The following DMD variants were observed in gnomAD, a reference collection of about 807,000 sequenced individuals.
DMD encodes dystrophin.
Under a neutral mutation model 330.1 loss-of-function variants are expected in DMD, and 63 were observed. The ratio of observed to expected loss-of-function variants is 0.19; its 90% CI spans 0.16 to 0.24. DMD has a LOEUF of 0.24. Among genes scored for constraint, DMD ranks in the 10% least tolerant of loss-of-function variants. The probability of loss-of-function intolerance (pLI) is 1.00; values close to 1 mark genes in which losing one functional copy is unlikely to be tolerated. For missense variants in DMD, 3,344 were observed against 2,684.1 expected (o/e 1.25, Z -5.43); for synonymous variants, 1,223 against 959.8 (o/e 1.27, Z -5.07).
intron 1 of DMD, among the ~76,000 whole-genome samples, chrX:33,285,782 A>T (rs1315382468): frequency 8.9e-6 from 1 of 112,245 alleles, no homozygotes; most frequent in African/African-American, 3.2e-5. Context: ...TTGTGCAATG[A>T]GTCATTCTTA....
intron 44 of DMD, among the ~76,000 whole-genome samples, chrX:32,178,828 GGGGTGTGTGTGTGTGTGTGT>G (rs1426878260): frequency 2.5e-3 from 41 of 16,701 alleles, no homozygotes; most frequent in Admixed American, 7.5e-3. Flanking sequence ...AATATTCCAG[GGGGTGTGTGTGTGTGTGTGT>G]GTGTGTGTGT....
intron 2 of DMD, among the ~76,000 whole-genome samples, chrX:32,998,996 T>A (rs2093203007): frequency 8.9e-6 from 1 of 112,141 alleles, no homozygotes; most frequent in Non-Finnish European, 1.9e-5. Context: ...CATGTTATAG[T>A]TTGAAGTGTG....
intron 49 of DMD, among the ~76,000 whole-genome samples, chrX:31,836,268 C>T (rs1043646963): frequency 3.6e-5 from 4 of 112,401 alleles, no homozygotes; most frequent in Non-Finnish European, 5.6e-5. Flanking sequence ...GCCGATTTTA[C>T]TCTTTTATAA....
At chrX:31,204,890 G>A (rs2043914025) in intron 66 of DMD, among the ~76,000 whole-genome samples, 1 of 112,183 alleles carries the variant, frequency 8.9e-6, no homozygotes, top group Non-Finnish European at 1.9e-5. Context: ...CCTAAGTGCT[G>A]GGATTACAGG....
At chrX:31,880,758 C>T (rs1026732254) in intron 47 of DMD, among the ~76,000 whole-genome samples, 3 of 112,313 alleles carry the variant, frequency 2.7e-5, no homozygotes, top group African/African-American at 6.5e-5. Flanking sequence ...ATTACTCTCA[C>T]GTTTGTGGTG....
At chrX:32,596,576 A>AC (rs1475934372) in intron 12 of DMD, among the ~76,000 whole-genome samples, 1 of 108,722 alleles carries the variant, frequency 9.2e-6, no homozygotes, top group African/African-American at 3.4e-5. Context: ...ACGGATTCTC[A>AC]CTGTGTCACC....
intron 1 of DMD, among the ~76,000 whole-genome samples, chrX:33,083,579 G>T (rs774872229): frequency 4.5e-5 from 5 of 111,552 alleles, no homozygotes; most frequent in Non-Finnish European, 9.4e-5. Flanking sequence ...GGTTCTCTGA[G>T]TTAGGCATGC....
intron 78 of DMD, among the ~76,000 whole-genome samples, chrX:31,125,750 T>C (rs16989365): frequency 0.016 from 1,785 of 112,108 alleles, 49 homozygotes; most frequent in African/African-American, 0.055. Context: ...TGAAACCACA[T>C]TCAGTGATAA....
At chrX:32,529,378 A>AATTTTTTTTTTTT (rs1569139194) in intron 17 of DMD, among the ~76,000 whole-genome samples, 3 of 73,060 alleles carry the variant, frequency 4.1e-5, no homozygotes, top group African/African-American at 1.6e-4. Context: ...GCAAAAATCA[A>AATTTTTTTTTTTT]CTTTTTTTTT....
At chrX:31,824,191 G>A (rs970736826) in intron 49 of DMD, among the ~76,000 whole-genome samples, 3 of 112,117 alleles carry the variant, frequency 2.7e-5, no homozygotes, top group Admixed American at 9.4e-5. Context: ...TGCATTGTGG[G>A]GAATTGAGGC....
At chrX:32,230,823 GA>G (rs978699330) in intron 43 of DMD, among the ~76,000 whole-genome samples, 1 of 111,674 alleles carries the variant, frequency 9.0e-6, no homozygotes, top group African/African-American at 3.3e-5. Flanking sequence ...GAAGTTTTCT[GA>G]GCCCATAGTA....
At chrX:31,413,088 T>C (rs758595867) in intron 60 of DMD, among the ~76,000 whole-genome samples, 1 of 112,418 alleles carries the variant, frequency 8.9e-6, no homozygotes, top group East Asian at 2.8e-4. Context: ...ATTATGATTT[T>C]TCAGTGTTCT....
chrX:32,473,816 C>T (rs2040913353), intron 21 of DMD, among the ~76,000 whole-genome samples: 1 of 110,866 alleles, frequency 9.0e-6, no homozygotes, highest in Admixed American at 9.6e-5. Context: ...ATATGTTTCT[C>T]TATTAACCTG....
chrX:32,856,692 A>G (rs193056477), intron 2 of DMD, among the ~76,000 whole-genome samples: 1 of 111,805 alleles, frequency 8.9e-6, no homozygotes, highest in Non-Finnish European at 1.9e-5. Flanking sequence ...GAGGAGTGGG[A>G]ATGTTTAGTG....
chrX:32,204,186 G>A (rs1240283820), intron 44 of DMD, among the ~76,000 whole-genome samples: 1 of 111,495 alleles, frequency 9.0e-6, no homozygotes, highest in East Asian at 2.8e-4. Context: ...TCTAGCTGAT[G>A]AACAGTAAAA....
intron 1 of DMD, among the ~76,000 whole-genome samples, chrX:33,219,114 C>CA (rs1009818863): frequency 9.0e-6 from 1 of 110,923 alleles, no homozygotes; most frequent in Non-Finnish European, 1.9e-5. Flanking sequence ...TTTTGCATTC[C>CA]AGTTGAGATT....
chrX:33,000,674 T>C (rs935776489), intron 2 of DMD, among the ~76,000 whole-genome samples: 2 of 112,470 alleles, frequency 1.8e-5, no homozygotes, highest in Non-Finnish European at 1.9e-5. Context: ...CAACGGAATT[T>C]AGAGAGGTGG....
chrX:32,508,758 C>T (rs191708811), intron 18 of DMD, among the ~76,000 whole-genome samples: 92 of 111,683 alleles, frequency 8.2e-4, no homozygotes, highest in African/African-American at 2.7e-3. Context: ...GAAATATGTG[C>T]TCATTCTACT....
At chrX:31,913,351 A>G (rs1280341850) in intron 47 of DMD, among the ~76,000 whole-genome samples, 1 of 112,050 alleles carries the variant, frequency 8.9e-6, no homozygotes, top group East Asian at 2.8e-4. Context: ...AGTGAAGCAG[A>G]ACTTTATCTT....
Sources: gnomAD v4.1 joint callset for allele counts (sites outside exome capture counted in the v4.1 genomes callset) on GRCh38, gnomAD v4.1.1 for gene constraint, MANE v1.5 for transcripts, NCBI Gene and HGNC (gene_info 2026-07-23, HGNC 2026-07-21) for gene names.